SPOCK1: variants seen among roughly 807,000 people sequenced by gnomAD.
The protein encoded by SPOCK1 is testican-1.
A neutral mutation model predicts 55.3 loss-of-function variants in SPOCK1; 23 were observed. The observed-to-expected ratio is 0.42, with a 90% CI of 0.30 to 0.59. The LOEUF (loss-of-function observed/expected upper bound fraction) is 0.59, where lower values mean the gene tolerates loss of function less well. SPOCK1 is among the 20% of genes least tolerant of loss of function. SPOCK1 has a pLI of 0.22. For missense variants in SPOCK1, 499 were observed against 552.5 expected, an observed-to-expected ratio of 0.90 and a Z score of 0.97; for synonymous variants, 226 against 221.0, an observed-to-expected ratio of 1.02 and a Z score of -0.20.
At chr5:137,151,169 T>C (rs1746888050) in intron 3 of SPOCK1, among the ~76,000 whole-genome samples, 1 of 151,910 alleles carries the variant, frequency 6.6e-6, no homozygotes, top group South Asian at 2.1e-4. Context: ...TTTTTTTTTG[T>C]TGCTGTAGAG....
intron 2 of SPOCK1, among the ~76,000 whole-genome samples, chr5:137,476,995 G>T (rs1042747829): frequency 2.0e-5 from 3 of 152,044 alleles, no homozygotes; most frequent in Non-Finnish European, 2.9e-5. Flanking sequence ...TATATGCCAA[G>T]GAAATAATAA....
At chr5:137,199,919 C>T (rs1755393431) in intron 3 of SPOCK1, among the ~76,000 whole-genome samples, 1 of 152,164 alleles carries the variant, frequency 6.6e-6, no homozygotes, top group Non-Finnish European at 1.5e-5. Context: ...CTTCCTGCTG[C>T]CAGCCCCCTC....
chr5:137,351,586 TTC>T (rs1363756647), intron 2 of SPOCK1, among the ~76,000 whole-genome samples: 1 of 152,194 alleles, frequency 6.6e-6, no homozygotes, highest in Non-Finnish European at 1.5e-5. Context: ...GCCCTCCCAG[TTC>T]TGTTTCACAG....
chr5:137,413,943 C>T (rs1752275738), intron 2 of SPOCK1, among the ~76,000 whole-genome samples: 1 of 152,146 alleles, frequency 6.6e-6, no homozygotes, highest in African/African-American at 2.4e-5. Context: ...AAATTACCCT[C>T]CCTCCACCCA....
At chr5:137,497,228 G>A (rs1026093620) in intron 2 of SPOCK1, among the ~76,000 whole-genome samples, 17 of 152,092 alleles carry the variant, frequency 1.1e-4, no homozygotes, top group African/African-American at 3.9e-4. Flanking sequence ...ACCATGCCCG[G>A]GGACATTAAC....
chr5:137,426,080 T>A (rs1321886192), intron 2 of SPOCK1, among the ~76,000 whole-genome samples: 1 of 151,618 alleles, frequency 6.6e-6, no homozygotes, highest in Non-Finnish European at 1.5e-5. Context: ...CTTGGCCACA[T>A]CTCTACAATA....
At chr5:137,354,729 T>G (rs1750754411) in intron 2 of SPOCK1, among the ~76,000 whole-genome samples, 1 of 152,140 alleles carries the variant, frequency 6.6e-6, no homozygotes, top group Non-Finnish European at 1.5e-5. Flanking sequence ...GCCACCAAAA[T>G]GTAACCTTCC....
At chr5:137,464,258 T>C (rs920475857) in intron 2 of SPOCK1, among the ~76,000 whole-genome samples, 1 of 152,126 alleles carries the variant, frequency 6.6e-6, no homozygotes, top group African/African-American at 2.4e-5. Flanking sequence ...GCCATGATCA[T>C]GCCACTGTAC....
At chr5:137,125,583 A>T (rs1372252819) in intron 4 of SPOCK1, among the ~76,000 whole-genome samples, 1 of 152,122 alleles carries the variant, frequency 6.6e-6, no homozygotes, top group South Asian at 2.1e-4. Flanking sequence ...GACACAATGA[A>T]AAAATGTCCT....
chr5:137,113,141 C>T (rs753000858), intron 4 of SPOCK1, among the ~76,000 whole-genome samples: 4 of 152,202 alleles, frequency 2.6e-5, no homozygotes, highest in African/African-American at 4.8e-5. Flanking sequence ...GAGGTGATGT[C>T]ACTTTCAACT....
At chr5:137,346,558 G>A (rs1750561839) in intron 2 of SPOCK1, among the ~76,000 whole-genome samples, 2 of 152,214 alleles carry the variant, frequency 1.3e-5, no homozygotes, top group South Asian at 2.1e-4. Flanking sequence ...TGAACAGGAG[G>A]AATGCAAATG....
chr5:137,069,047 A>G (rs1752559763), intron 5 of SPOCK1, among the ~76,000 whole-genome samples: 1 of 152,228 alleles, frequency 6.6e-6, no homozygotes, highest in Non-Finnish European at 1.5e-5. Flanking sequence ...AAGAGGAGAT[A>G]CAGTCCTTGC....
chr5:137,024,653 A>T (rs973510787), intron 6 of SPOCK1, among the ~76,000 whole-genome samples: 3 of 152,086 alleles, frequency 2.0e-5, no homozygotes, highest in African/African-American at 7.2e-5. Flanking sequence ...TAGAAGGGGA[A>T]AATAAAAAAA....
intron 2 of SPOCK1, among the ~76,000 whole-genome samples, chr5:137,301,634 TCC>T (rs1757591090): frequency 2.6e-5 from 2 of 78,430 alleles, no homozygotes; most frequent in African/African-American, 1.1e-4. Flanking sequence ...GCATTTCGTC[TCC>T]TTTTTTTTTT....
At chr5:137,177,303 C>T (rs1754873578) in intron 3 of SPOCK1, among the ~76,000 whole-genome samples, 1 of 152,154 alleles carries the variant, frequency 6.6e-6, no homozygotes, top group African/African-American at 2.4e-5. Flanking sequence ...AAATAGGTGT[C>T]CTGCAGTACA....
chr5:137,221,421 G>A (rs1203115936), intron 3 of SPOCK1, among the ~76,000 whole-genome samples: 2 of 152,254 alleles, frequency 1.3e-5, no homozygotes, highest in East Asian at 3.9e-4. Context: ...ACACACAGAG[G>A]TCTTGTTTCA....
intron 2 of SPOCK1, among the ~76,000 whole-genome samples, chr5:137,434,300 T>G (rs10043358): frequency 0.076 from 11,563 of 152,004 alleles, 1,113 homozygotes; most frequent in African/African-American, 0.23. Context: ...AGAATTTACC[T>G]CAACTCCTAA....
At chr5:136,985,587 A>G (rs1412367395) in intron 8 of SPOCK1, among the ~76,000 whole-genome samples, 1 of 152,158 alleles carries the variant, frequency 6.6e-6, no homozygotes, top group African/African-American at 2.4e-5. Context: ...ACCAGAGGTG[A>G]CAAATACTTA....
At chr5:137,432,868 G>A (rs951950185) in intron 2 of SPOCK1, among the ~76,000 whole-genome samples, 5 of 152,122 alleles carry the variant, frequency 3.3e-5, no homozygotes, top group Admixed American at 6.5e-5. Context: ...TAAGTTGTCA[G>A]ACAATACCAC....
Sources: gnomAD v4.1 joint callset for allele counts (sites outside exome capture counted in the v4.1 genomes callset) on GRCh38, gnomAD v4.1.1 for gene constraint, MANE v1.5 for transcripts, NCBI Gene and HGNC (gene_info 2026-07-23, HGNC 2026-07-21) for gene names.